The following LCLAT1 variants were observed in gnomAD, a reference collection of about 807,000 sequenced individuals.
LCLAT1 encodes the protein 1-AGP acyltransferase 8.
In LCLAT1, 11 loss-of-function variants were observed where a neutral mutation model predicts 30.7. The ratio of observed to expected loss-of-function variants is 0.36; its 90% confidence interval spans 0.23 to 0.59. The LOEUF is 0.59. Ranked by LOEUF, LCLAT1 falls within the 20% of genes least tolerant of loss-of-function variation. The probability of loss-of-function intolerance (pLI) is 0.77; values close to 1 mark genes in which losing one functional copy is unlikely to be tolerated. For synonymous variants in LCLAT1, 155 were observed against 151.3 expected, an observed-to-expected ratio of 1.02 and a Z score of -0.18; for missense variants, 402 against 458.6, an observed-to-expected ratio of 0.88 and a Z score of 1.13.
chr2:30,537,978 C>T (rs775855586), intron 3 of LCLAT1, among the ~76,000 whole-genome samples: 35 of 151,662 alleles, frequency 2.3e-4, no homozygotes, highest in Non-Finnish European at 1.9e-4. Flanking sequence ...TCTGAATGAC[C>T]GGTGGATCAA....
At chr2:30,574,406 T>G (rs992754336) in intron 5 of LCLAT1, among the ~76,000 whole-genome samples, 4 of 152,152 alleles carry the variant, frequency 2.6e-5, no homozygotes, top group Non-Finnish European at 5.9e-5. Context: ...TTTGAAAGAC[T>G]TGAAATATCT....
At chr2:30,522,730 C>G (rs1026628669) in intron 1 of LCLAT1, among the ~76,000 whole-genome samples, 1 of 152,134 alleles carries the variant, frequency 6.6e-6, no homozygotes, top group Admixed American at 6.5e-5. Flanking sequence ...TCTGAGTAAT[C>G]CCAGTATATT....
At chr2:30,582,136 C>G (rs180797040) in intron 5 of LCLAT1, among the ~76,000 whole-genome samples, 363 of 152,064 alleles carry the variant, frequency 2.4e-3, no homozygotes, top group African/African-American at 8.4e-3. Flanking sequence ...CTTCTAAAAC[C>G]AAAGTAAAAG....
intron 1 of LCLAT1, among the ~76,000 whole-genome samples, chr2:30,465,586 G>C (rs753629627): frequency 3.1e-4 from 47 of 152,152 alleles, no homozygotes; most frequent in Non-Finnish European, 5.7e-4. Context: ...GTTAATTATT[G>C]TGAATAGCAC....
intron 1 of LCLAT1, among the ~76,000 whole-genome samples, chr2:30,514,863 T>C (rs552107070): frequency 2.1e-4 from 32 of 152,350 alleles, no homozygotes; most frequent in African/African-American, 6.7e-4. Flanking sequence ...TATATACATT[T>C]CACTTTTGAA....
chr2:30,603,745 T>TAAGA (rs1667297269), intron 5 of LCLAT1, among the ~76,000 whole-genome samples: 2 of 152,060 alleles, frequency 1.3e-5, no homozygotes, highest in South Asian at 4.2e-4. Flanking sequence ...AACATGCATG[T>TAAGA]AAGATTATAG....
chr2:30,490,826 A>G (rs1683802343), intron 1 of LCLAT1, among the ~76,000 whole-genome samples: 1 of 152,250 alleles, frequency 6.6e-6, no homozygotes, highest in African/African-American at 2.4e-5. Flanking sequence ...CCAACATGGC[A>G]TCTACTAGAG....
At chr2:30,597,754 C>T (rs1356507266) in intron 5 of LCLAT1, among the ~76,000 whole-genome samples, 3 of 152,124 alleles carry the variant, frequency 2.0e-5, no homozygotes, top group East Asian at 3.9e-4. Flanking sequence ...AGCTTTTGCC[C>T]ATTCAGTGTA....
chr2:30,552,064 A>G (rs1049633996), intron 3 of LCLAT1, among the ~76,000 whole-genome samples: 8 of 152,168 alleles, frequency 5.3e-5, no homozygotes, highest in African/African-American at 1.9e-4. Context: ...TCTGCCTACC[A>G]TATGTTAATT....
intron 5 of LCLAT1, among the ~76,000 whole-genome samples, chr2:30,587,242 A>C (rs1403633954): frequency 6.6e-6 from 1 of 152,214 alleles, no homozygotes; most frequent in Non-Finnish European, 1.5e-5. Flanking sequence ...AATATTTGAT[A>C]ATTTTCTGAG....
intron 3 of LCLAT1, among the ~76,000 whole-genome samples, chr2:30,537,338 G>A (rs1283904292): frequency 6.6e-6 from 1 of 150,386 alleles, no homozygotes; most frequent in African/African-American, 2.4e-5. Flanking sequence ...CCGAGATTGC[G>A]CCACTGCAGT....
At chr2:30,584,338 A>G (rs1666336824) in intron 5 of LCLAT1, among the ~76,000 whole-genome samples, 1 of 152,152 alleles carries the variant, frequency 6.6e-6, no homozygotes, top group Non-Finnish European at 1.5e-5. Flanking sequence ...GCATCTAGCC[A>G]AAAATAGCTT....
intron 1 of LCLAT1, among the ~76,000 whole-genome samples, chr2:30,462,634 T>C (rs1682214453): frequency 6.6e-6 from 1 of 152,246 alleles, no homozygotes; most frequent in Non-Finnish European, 1.5e-5. Context: ...AGCATAGTCT[T>C]TTAACTGACA....
At chr2:30,524,851 T>G (rs1363070460) in intron 1 of LCLAT1, among the ~76,000 whole-genome samples, 1 of 148,212 alleles carries the variant, frequency 6.7e-6, no homozygotes, top group Non-Finnish European at 1.5e-5. Context: ...GGTTTAGTAC[T>G]ATCTGTGATT....
In LCLAT1 at chr2:30,517,841, A is replaced by C. The variant is rs138291055; in HGVS notation, c.-4-7746A>C. Among the ~76,000 whole-genome samples, 1,016 of 152,316 alleles carry C rather than the reference A, an allele frequency of 6.7e-3. 10 individuals are homozygous for C. Among genetic ancestry groups the C allele is most frequent in the African/African-American group, 0.023 (964 of 41,562 alleles). On this transcript the variant is annotated intron_variant, in intron 1 of 5. Coordinates refer to ENST00000379509, the MANE Select transcript of LCLAT1 (RefSeq NM_001002257.3). The stretch of plus-strand genomic sequence containing the variant: ...TCCTTTAAAAGCCAGGGTAAATTTA[A>C]AACCTATAATTGATAATTGAAGATC...
intron 5 of LCLAT1, among the ~76,000 whole-genome samples, chr2:30,634,957 G>T (rs111996869): frequency 6.6e-6 from 1 of 152,222 alleles, no homozygotes; most frequent in African/African-American, 2.4e-5. Flanking sequence ...CTGTGCCAGA[G>T]GCCATGGTGC....
At chr2:30,622,502 A>T (rs2148517833) in intron 5 of LCLAT1, among the ~76,000 whole-genome samples, 1 of 152,148 alleles carries the variant, frequency 6.6e-6, no homozygotes, top group Non-Finnish European at 1.5e-5. Flanking sequence ...AGCCAACACA[A>T]AAAACAGCAC....
At chr2:30,479,663 A>C (rs565048793) in intron 1 of LCLAT1, among the ~76,000 whole-genome samples, 1 of 152,280 alleles carries the variant, frequency 6.6e-6, no homozygotes, top group South Asian at 2.1e-4. Context: ...GACATGCATG[A>C]AGGAGGCTTC....
At chr2:30,623,530 G>A (rs1028677445) in intron 5 of LCLAT1, among the ~76,000 whole-genome samples, 14 of 151,990 alleles carry the variant, frequency 9.2e-5, no homozygotes, top group African/African-American at 2.9e-4. Context: ...CTCAGACAAG[G>A]CTTTCGAAAT....
Sources: allele counts gnomAD v4.1 joint callset (sites outside exome capture counted in the v4.1 genomes callset), GRCh38; gene constraint gnomAD v4.1.1; transcripts MANE v1.5; gene names NCBI Gene and HGNC (gene_info 2026-07-23, HGNC 2026-07-21).